The following CLCN3 variants were observed in gnomAD, a reference collection of about 807,000 sequenced individuals.
The protein encoded by CLCN3 is H(+)/Cl(-) exchange transporter 3.
Under a neutral mutation model 83.4 loss-of-function variants are expected in CLCN3, and 16 were observed. The ratio of observed to expected loss-of-function variants is 0.19; its 90% CI spans 0.13 to 0.29. The LOEUF (loss-of-function observed/expected upper bound fraction) is 0.29, where lower values mean the gene tolerates loss of function less well. Ranked by LOEUF, CLCN3 falls within the 10% of genes least tolerant of loss-of-function variation. CLCN3 has a pLI of 1.00. For synonymous variants in CLCN3, 322 were observed against 346.2 expected (o/e 0.93, Z 0.78); for missense variants, 544 against 1,006.0 (o/e 0.54, Z 6.21).
intron 9 of CLCN3, among the ~76,000 whole-genome samples, chr4:169,699,665 C>T (rs1025039706): frequency 6.6e-6 from 1 of 152,026 alleles, no homozygotes; most frequent in Non-Finnish European, 1.5e-5. Flanking sequence ...GGGCAGATCA[C>T]AATGTCAGGA....
rs867656679 is a variant in CLCN3, at chr4:169,680,035, T to G, written c.161-15T>G. On this transcript the variant is annotated splice_polypyrimidine_tract_variant and intron_variant, in intron 2 of 12. Transcript: ENST00000513761. ...TCTTCTAAAACATACTCATCTTTCC[T>G]TTTCTCTTCTGTAGGAACTCATTAT... 1 of 1,603,136 alleles carries G rather than the reference T, an allele frequency of 6.2e-7. No individual in the cohort carries two copies.
rs77869993 is a variant in CLCN3 at position 169,716,119 on chromosome 4, C to G, written c.2366+2824C>G. Among the ~76,000 whole-genome samples the G allele has an allele frequency of 7.3e-3, 1,104 of 152,230 alleles. 10 individuals carry two copies. The highest frequency in any genetic ancestry group is 0.025 in the African/African-American group (1,053 of 41,550). ...CATTAGTTTTTAGCCCAAAAGGAAA[C>G]AGCAAATAATGTTTTATATGAGCCA... On this transcript the variant is annotated intron_variant, in intron 12 of 12. Transcript: ENST00000513761.
At chr4:169,675,729 C>A (rs1292867816) in intron 2 of CLCN3, among the ~76,000 whole-genome samples, 1 of 152,008 alleles carries the variant, frequency 6.6e-6, no homozygotes, top group Non-Finnish European at 1.5e-5. Flanking sequence ...TTAAATGTTT[C>A]TTTGTTTATG....
chr4:169,634,142 T>TA (rs962887361), intron 1 of CLCN3, among the ~76,000 whole-genome samples: 8 of 152,318 alleles, frequency 5.3e-5, no homozygotes, highest in Non-Finnish European at 1.0e-4. Context: ...AGTTACCACT[T>TA]ACGATTTTTG....
At position 169,697,200 on chromosome 4, in the gene CLCN3, T is replaced by C; in HGVS notation, c.1029T>C (p.Tyr343=). The change falls in exon 9 of 13, where the codon TAT becomes TAC. Residue 343 remains tyrosine (Y), a synonymous_variant. Coordinates refer to ENST00000513761, the MANE Select transcript of CLCN3 (RefSeq NM_001829.4). The part of the protein sequence containing the change: ...VLFSLEEVSY[Y]FPLKTLWRSF... ...TTTCTTTTTTTTAGGTTAGCTATTA[T>C]TTTCCTCTCAAAACTTTATGGAGAT... The C allele has an allele frequency of 6.4e-7, 1 of 1,571,204 alleles. No individual in the cohort carries two copies. Among genetic ancestry groups the C allele is most frequent in the South Asian group, 1.2e-5 (1 of 82,980 alleles).
chr4:169,628,445 T>C (rs1369395079), intron 1 of CLCN3, among the ~76,000 whole-genome samples: 3 of 152,108 alleles, frequency 2.0e-5, no homozygotes, highest in Non-Finnish European at 4.4e-5. Context: ...TATAAAGAAC[T>C]CTTAAAAGTC....
At chr4:169,663,725 A>G (rs1428894590) in intron 2 of CLCN3, 2 of 312,084 alleles carry the variant, frequency 6.4e-6, no homozygotes, top group Non-Finnish European at 1.3e-5. Context: ...CCCATTTTCT[A>G]GTTGACAAGA....
chr4:169,687,846 A>G, intron 4 of CLCN3, 89 bp downstream of exon 4: 1 of 631,374 alleles, frequency 1.6e-6, no homozygotes, highest in Middle Eastern at 2.6e-4. Context: ...TTCAGGTACC[A>G]TTGGATTTTA....
At chr4:169,623,798 A>G (rs769101432) in intron 1 of CLCN3, among the ~76,000 whole-genome samples, 6 of 152,010 alleles carry the variant, frequency 3.9e-5, no homozygotes, top group Non-Finnish European at 8.8e-5. Flanking sequence ...TATTTCACTT[A>G]GCATTATGTC....
intron 9 of CLCN3, among the ~76,000 whole-genome samples, chr4:169,701,128 A>G (rs1176716681): frequency 6.6e-6 from 1 of 152,220 alleles, no homozygotes; most frequent in East Asian, 1.9e-4. Flanking sequence ...AAACCCTGCT[A>G]CTGCTTTATC....
chr4:169,670,911 A>G (rs893796511), intron 2 of CLCN3, among the ~76,000 whole-genome samples: 1 of 152,224 alleles, frequency 6.6e-6, no homozygotes, highest in African/African-American at 2.4e-5. Flanking sequence ...ATCTCATGCC[A>G]GTCAAATGGT....
intron 2 of CLCN3, among the ~76,000 whole-genome samples, chr4:169,638,030 T>C (rs1441483190): frequency 6.6e-6 from 1 of 152,218 alleles, no homozygotes; most frequent in African/African-American, 2.4e-5. Flanking sequence ...TTTATTGATT[T>C]ATAGTCTGTT....
chr4:169,655,730 T>TTGGCTTCAAGTGATCA (rs1222915602), intron 2 of CLCN3, among the ~76,000 whole-genome samples: 4 of 152,186 alleles, frequency 2.6e-5, no homozygotes, highest in African/African-American at 9.6e-5. Flanking sequence ...GGTCTTGAAC[T>TTGGCTTCAAGTGATCA]CCTGGCTTCA....
intron 2 of CLCN3, among the ~76,000 whole-genome samples, chr4:169,650,648 C>T (rs1188359581): frequency 6.6e-6 from 1 of 152,130 alleles, no homozygotes; most frequent in Non-Finnish European, 1.5e-5. Flanking sequence ...GGGAAAAGGT[C>T]AGAGCTCTTT....
At chr4:169,633,754 A>G (rs1044000781) in intron 1 of CLCN3, among the ~76,000 whole-genome samples, 11 of 152,248 alleles carry the variant, frequency 7.2e-5, no homozygotes, top group African/African-American at 2.7e-4. Context: ...ATATTTCAAC[A>G]TGTAATCAGT....
Position 169,687,686 on chromosome 4 carries a change from G to T in CLCN3, c.347G>T (p.Trp116Leu), listed in dbSNP as rs1219530656. The change falls in exon 4 of 13, where the codon TGG becomes TTG. Residue 116 changes from tryptophan to leucine, a missense_variant. Coordinates refer to ENST00000513761, the MANE Select transcript of CLCN3 (RefSeq NM_001829.4). The part of the protein sequence containing the change: ...RINSKKKESA[W>L]EMTKSLYDAW... Reference sequence around the variant, plus strand: ...AACAGCAAAAAGAAAGAATCAGCATGGGAAATGACAAAAAGTTTGTATGAT... The same window carrying T: ...AACAGCAAAAAGAAAGAATCAGCATTGGAAATGACAAAAAGTTTGTATGAT... The T allele has an allele frequency of 1.9e-6, 3 of 1,610,822 alleles. No homozygotes were observed. Among genetic ancestry groups the T allele is most frequent in the Non-Finnish European group, 2.5e-6 (3 of 1,178,330 alleles).
chr4:169,687,279 C>G (rs1209713617), intron 3 of CLCN3, among the ~76,000 whole-genome samples: 1 of 152,080 alleles, frequency 6.6e-6, no homozygotes, highest in East Asian at 1.9e-4. Flanking sequence ...TCTCAAGGTT[C>G]TTATTAAAAT....
chr4:169,682,570 A>G (rs1291812427), intron 3 of CLCN3, among the ~76,000 whole-genome samples: 1 of 152,230 alleles, frequency 6.6e-6, no homozygotes, highest in African/African-American at 2.4e-5. Flanking sequence ...TTTCTTTAGG[A>G]CATAACTTCA....
At chr4:169,693,966 A>G (rs1273732430) in intron 7 of CLCN3, among the ~76,000 whole-genome samples, 2 of 152,140 alleles carry the variant, frequency 1.3e-5, no homozygotes, top group Non-Finnish European at 2.9e-5. Context: ...GATATTTTTA[A>G]ATTAAATGCT....
Sources: gnomAD v4.1 joint callset for allele counts (sites outside exome capture counted in the v4.1 genomes callset) on GRCh38, gnomAD v4.1.1 for gene constraint, MANE v1.5 for transcripts, NCBI Gene and HGNC (gene_info 2026-07-23, HGNC 2026-07-21) for gene names.